Variants in DNHD1 observed in about 807,000 individuals in gnomAD.
The protein encoded by DNHD1 is dynein heavy chain domain 1, also known as dynein heavy chain domain-containing protein 1.
A neutral mutation model predicts 458.1 loss-of-function variants in DNHD1; 383 were observed. That is an observed-to-expected ratio of 0.84 (90% confidence interval 0.77 to 0.91). DNHD1 has a LOEUF of 0.91. Ranked by LOEUF, DNHD1 falls within the 40% of genes least tolerant of loss-of-function variation. DNHD1 has a pLI of 0.00. For missense variants in DNHD1, 5,336 were observed against 5,866.1 expected, an observed-to-expected ratio of 0.91 and a Z score of 2.95; for synonymous variants, 2,203 against 2,376.9, an observed-to-expected ratio of 0.93 and a Z score of 2.13.
At position 6,539,924 on chromosome 11, in the gene DNHD1, C is replaced by T. The variant is rs1399715571; in HGVS notation, c.3469C>T (p.Arg1157Trp). The change falls in exon 18 of 43, where the codon CGG becomes TGG. Residue 1157 changes from arginine to tryptophan, a missense_variant. This residue lies in a region of DNHD1 where 3,932 missense variants were observed against 4,365.6 expected (regional missense o/e 0.90). Coordinates refer to ENST00000254579, the MANE Select transcript of DNHD1 (RefSeq NM_144666.3). ...ERIHAQETIR[R>W]LQRYWEARQL... Reference sequence around the variant, plus strand: ...AATTCATGCCCAAGAGACTATACGGCGGTTGCAGCGGTACTGGGAAGCGCG... The same window carrying T: ...AATTCATGCCCAAGAGACTATACGGTGGTTGCAGCGGTACTGGGAAGCGCG... 1.2e-5 allele frequency: 19 copies of T among 1,551,624 alleles called. No individual in the cohort carries two copies. The highest frequency in any genetic ancestry group is 1.2e-5 in the South Asian group (1 of 84,072).
intron 12 of DNHD1, among the ~76,000 whole-genome samples, chr11:6,530,528 A>G (rs1361524963): frequency 6.6e-6 from 1 of 152,226 alleles, no homozygotes; most frequent in Non-Finnish European, 1.5e-5. Flanking sequence ...AAGGATGGCA[A>G]TAGCCAATAG....
intron 28 of DNHD1, among the ~76,000 whole-genome samples, chr11:6,560,621 A>T (rs1230200559): frequency 6.6e-6 from 1 of 152,188 alleles, no homozygotes; most frequent in Non-Finnish European, 1.5e-5. Context: ...CCAGAGCAGA[A>T]CACAGTAAGC....
At chr11:6,551,713 A>T (rs150549805) in intron 24 of DNHD1, among the ~76,000 whole-genome samples, 32 of 151,930 alleles carry the variant, frequency 2.1e-4, no homozygotes, top group Admixed American at 9.2e-4. Flanking sequence ...GAGGCCAAGG[A>T]GGGCAGATCA....
At chr11:6,516,558 A>G (rs1044970153) in intron 7 of DNHD1, among the ~76,000 whole-genome samples, 1 of 151,896 alleles carries the variant, frequency 6.6e-6, no homozygotes, top group Admixed American at 6.6e-5. Context: ...TCAGCCTCCC[A>G]AAGTGCTGGG....
intron 3 of DNHD1, among the ~76,000 whole-genome samples, chr11:6,499,699 C>G (rs1250120340): frequency 1.3e-5 from 2 of 151,996 alleles, no homozygotes; most frequent in Non-Finnish European, 2.9e-5. Flanking sequence ...TCCTGAGTAG[C>G]TGGGACTACA....
Position 6,570,677 on chromosome 11 carries a change from C to A in DNHD1, c.13165C>A (p.Pro4389Thr), listed in dbSNP as rs996050527. The A allele has an allele frequency of 2.5e-6, 4 of 1,611,896 alleles. No homozygotes were observed. The Admixed American group carries it at 5.0e-5, about 20-fold the overall frequency. Residue 4389 changes from proline (P) to threonine (T), a missense_variant, in exon 42 of 43, where the codon CCA (proline) becomes ACA (threonine). Coordinates refer to ENST00000254579, the MANE Select transcript of DNHD1 (RefSeq NM_144666.3). ...GGCCCAGATGCACCTACTGCCCTCA[C>A]CACCTGAACCCCGGCTCTGCGGACT... ...CKAQMHLLPS[P>T]PEPRLCGLSE...
chr11:6,561,330 A>G (rs893945827), intron 28 of DNHD1, among the ~76,000 whole-genome samples: 1 of 152,166 alleles, frequency 6.6e-6, no homozygotes, highest in African/African-American at 2.4e-5. Context: ...CAGGAGTCTG[A>G]GGTGGGAGGA....
At chr11:6,511,855 G>A (rs891531196) in intron 7 of DNHD1, among the ~76,000 whole-genome samples, 13 of 152,128 alleles carry the variant, frequency 8.5e-5, no homozygotes, top group Non-Finnish European at 1.5e-4. Context: ...TCTTAATTAT[G>A]CATATGTTGC....
rs544426311 is a variant in DNHD1, at chr11:6,505,649, G to A, written c.920+2723G>A. ...TTACTGACTGGACCCTGACTAACAC[G>A]GTACTTGGTATTATGAGTGGTCCCA... On this transcript the variant is annotated intron_variant, in intron 4 of 42. Transcript: ENST00000254579. This position sits in a 1 kb window ranked among gnomAD's most constrained non-coding sequence, Gnocchi z 4.4. 5.3e-5 allele frequency among the ~76,000 whole-genome samples: 8 copies of A among 152,266 alleles called. No homozygotes were observed. The Middle Eastern group carries it at 0.01, about 194-fold the overall frequency.
chr11:6,524,385 C>T (rs1015357694), intron 10 of DNHD1, among the ~76,000 whole-genome samples: 1 of 152,196 alleles, frequency 6.6e-6, no homozygotes, highest in Non-Finnish European at 1.5e-5. Flanking sequence ...TGTATCTTTC[C>T]AGTTCCTCTG....
Position 6,564,058 on chromosome 11 carries a change from G to T in DNHD1, c.10218G>T (p.Gln3406His). 6.4e-7 allele frequency: 1 copy of T among 1,551,730 alleles called. No individual in the cohort carries two copies. The highest frequency in any genetic ancestry group is 1.4e-5 in the African/African-American group (1 of 73,192). The change falls in exon 31 of 43, where the codon CAG becomes CAT. Residue 3406 changes from glutamine to histidine, a missense_variant. Around this residue, in one of 4 missense-constraint regions of DNHD1, gnomAD observed 3,932 missense variants for 4,365.6 expected, o/e 0.90. Coordinates refer to ENST00000254579, the MANE Select transcript of DNHD1 (RefSeq NM_144666.3). ...AKTLSQAQCG[Q>H]YHKWPMKAAL... ...CCCTCAGTCAAGCACAGTGTGGGCA[G>T]TATCACAAATGGCCCATGAAGGCTG...
intron 7 of DNHD1, 67 bp downstream of exon 7, chr11:6,511,496 C>T (rs1852335189): frequency 6.4e-7 from 1 of 1,574,234 alleles, no homozygotes; most frequent in African/African-American, 1.4e-5. Context: ...TCAGCCTCCT[C>T]TTAGTTAAGT....
Position 6,568,080 on chromosome 11 carries a change from G to T in DNHD1, c.12376G>T (p.Ala4126Ser). Residue 4126 changes from alanine (A) to serine (S), a missense_variant, in exon 37 of 43, where the codon GCC becomes TCC. Transcript: ENST00000254579. ...QQGQKQLQVIALGSEAWDPVS... is the reference protein window; with the variant it reads ...QQGQKQLQVISLGSEAWDPVS... ...GGGGCAGAAGCAACTGCAGGTGATA[G>T]CCCTGGGCTCTGAAGCCTGGGACCC... 6.3e-7 allele frequency: 1 copy of T among 1,577,530 alleles called. No homozygotes were observed. The highest frequency in any genetic ancestry group is 8.6e-7 in the Non-Finnish European group (1 of 1,160,754).
Position 6,539,268 on chromosome 11 carries a change from G to T in DNHD1, c.3375G>T (p.Gln1125His). The change falls in exon 17 of 43, where the codon CAG becomes CAT. Residue 1125 changes from glutamine (Q) to histidine (H), a missense_variant. Around this residue, in one of 4 missense-constraint regions of DNHD1, gnomAD observed 3,932 missense variants for 4,365.6 expected, o/e 0.90. Transcript: ENST00000254579. Reference sequence around the variant, plus strand: ...CTATAGAACTCCTAACGCTGGGCCAGCTGCTTACTTATCCACTGCTGGAGT... The same window carrying T: ...CTATAGAACTCCTAACGCTGGGCCATCTGCTTACTTATCCACTGCTGGAGT... ...LQTIELLTLG[Q>H]LLTYPLLEFA... 1 of 1,551,668 alleles carries T rather than the reference G, an allele frequency of 6.4e-7. No individual in the cohort carries two copies. The highest frequency in any genetic ancestry group is 1.2e-5 in the South Asian group (1 of 84,064).
In DNHD1 at chr11:6,558,650, C is replaced by T; in HGVS notation, c.9168C>T (p.Ala3056=). ...PWDQAALAKV[A]QHHLEGAQSV... The stretch of plus-strand genomic sequence containing the variant: ...ACCAAGCTGCCCTGGCCAAGGTGGC[C>T]CAGCATCACCTGGAGGGTGCTCAGA... The change falls in exon 26 of 43, where the codon GCC becomes GCT. Residue 3056 remains alanine, a synonymous_variant. Transcript: ENST00000254579. The T allele has an allele frequency of 6.4e-7, 1 of 1,551,402 alleles. No individual in the cohort carries two copies. The highest frequency in any genetic ancestry group is 8.7e-7 in the Non-Finnish European group (1 of 1,146,988).
chr11:6,558,928 G>C lies in DNHD1; in HGVS notation c.9238G>C (p.Ala3080Pro). 2 of 1,551,642 alleles carry C rather than the reference G, an allele frequency of 1.3e-6. No homozygotes were observed. The highest frequency in any genetic ancestry group is 1.4e-5 in the African/African-American group (1 of 73,128). Residue 3080 changes from alanine to proline, a missense_variant, in exon 27 of 43, where the codon GCC (alanine) becomes CCC (proline). Around this residue, in one of 4 missense-constraint regions of DNHD1, gnomAD observed 3,932 missense variants for 4,365.6 expected, o/e 0.90. Coordinates refer to ENST00000254579, the MANE Select transcript of DNHD1 (RefSeq NM_144666.3). Reference sequence around the variant, plus strand: ...CTCCTGGAAGTACCCAGACCTCCAGGCCTCAATTCCCAGTGTGGCCAAAGC... The same window carrying C: ...CTCCTGGAAGTACCCAGACCTCCAGCCCTCAATTCCCAGTGTGGCCAAAGC... Reference protein sequence around the residue: ...DGSWKYPDLQASIPSVAKAMA... With the variant: ...DGSWKYPDLQPSIPSVAKAMA...
chr11:6,550,461 G>A (rs1423401625), intron 24 of DNHD1, among the ~76,000 whole-genome samples: 2 of 152,170 alleles, frequency 1.3e-5, no homozygotes, highest in Non-Finnish European at 2.9e-5. Context: ...CTGGCAGAAT[G>A]TAAAAGGTGT....
chr11:6,520,986 G>A (rs1852594149), intron 10 of DNHD1: 4 of 501,494 alleles, frequency 8.0e-6, no homozygotes, highest in Non-Finnish European at 1.0e-5. Context: ...AAGGTTCACT[G>A]AAAGGAACCT....
chr11:6,568,298 C>T (rs1272706582), intron 37 of DNHD1, 56 bp downstream of exon 37: 1 of 1,525,654 alleles, frequency 6.6e-7, no homozygotes, highest in Non-Finnish European at 8.8e-7. Flanking sequence ...TGGGCCTTAG[C>T]TTGAAATCTC....
Sources: gnomAD v4.1 joint callset for allele counts (sites outside exome capture counted in the v4.1 genomes callset) on GRCh38, gnomAD v4.1.1 for gene constraint, gnomAD v4.1.1 regional missense constraint, Gnocchi (gnomAD v3.1) non-coding constraint, MANE v1.5 for transcripts, NCBI Gene and HGNC (gene_info 2026-07-23, HGNC 2026-07-21) for gene names.